The following ARK2N variants were observed in gnomAD, a reference collection of about 807,000 sequenced individuals.
ARK2N encodes protein ARK2N.
chr18:46,214,718 T>C, the ARK2N span, among the ~76,000 whole-genome samples: 1 of 152,200 alleles, frequency 6.6e-6, no homozygotes, highest in African/African-American at 2.4e-5. Context: ...AAGTGTACAA[T>C]GGGTGTAGAG....
At chr18:46,248,712 G>A in the ARK2N span, among the ~76,000 whole-genome samples, 1 of 152,192 alleles carries the variant, frequency 6.6e-6, no homozygotes, top group African/African-American at 2.4e-5. Flanking sequence ...AGCATCCGGA[G>A]TAGCAGGGAC....
At chr18:46,209,833 A>G in the ARK2N span, among the ~76,000 whole-genome samples, 2 of 152,108 alleles carry the variant, frequency 1.3e-5, no homozygotes, top group South Asian at 4.2e-4. Context: ...TGACCTCGTG[A>G]TCCGCCTGCC....
chr18:46,183,345 T>C, the ARK2N span, among the ~76,000 whole-genome samples: 1 of 152,190 alleles, frequency 6.6e-6, no homozygotes, highest in African/African-American at 2.4e-5. Flanking sequence ...TTCTAGTTAA[T>C]TGGTATTAGA....
At chr18:46,187,240 T>A in the ARK2N span, among the ~76,000 whole-genome samples, 1 of 148,560 alleles carries the variant, frequency 6.7e-6, no homozygotes, top group Non-Finnish European at 1.5e-5. Flanking sequence ...TAAGATCGCG[T>A]CATTGCACTC....
the ARK2N span, among the ~76,000 whole-genome samples, chr18:46,257,281 TG>T: frequency 9.8e-5 from 15 of 152,312 alleles, no homozygotes; most frequent in Non-Finnish European, 1.5e-5. Flanking sequence ...GCATTTTGTT[TG>T]GCCTTTGCAC....
the ARK2N span, among the ~76,000 whole-genome samples, chr18:46,196,223 A>G: frequency 6.6e-6 from 1 of 150,910 alleles, no homozygotes; most frequent in Admixed American, 6.6e-5. Context: ...CAGGTGATCC[A>G]CCCGCCTCGG....
At chr18:46,177,215 A>C in the ARK2N span, among the ~76,000 whole-genome samples, 1 of 152,118 alleles carries the variant, frequency 6.6e-6, no homozygotes, top group South Asian at 2.1e-4. Context: ...TGAGACTATA[A>C]AAGGGGAGAG....
At chr18:46,223,911 A>G in the ARK2N span, among the ~76,000 whole-genome samples, 1 of 152,226 alleles carries the variant, frequency 6.6e-6, no homozygotes, top group East Asian at 1.9e-4. Context: ...TAGAAAAGCT[A>G]TTTTAGTCAA....
At chr18:46,248,243 C>G in the ARK2N span, among the ~76,000 whole-genome samples, 1 of 152,180 alleles carries the variant, frequency 6.6e-6, no homozygotes, top group Non-Finnish European at 1.5e-5. Context: ...GAGCAGCTTC[C>G]TCTTCAGAAG....
the ARK2N span, among the ~76,000 whole-genome samples, chr18:46,242,669 T>C: frequency 6.6e-6 from 1 of 152,242 alleles, no homozygotes; most frequent in Non-Finnish European, 1.5e-5. Flanking sequence ...ATTTGTTATA[T>C]ATCTAAATAA....
At chr18:46,188,941 G>A in the ARK2N span, among the ~76,000 whole-genome samples, 2 of 152,110 alleles carry the variant, frequency 1.3e-5, no homozygotes, top group South Asian at 2.1e-4. Flanking sequence ...GACCGGGTGC[G>A]GGGTGGCTCA....
the ARK2N span, among the ~76,000 whole-genome samples, chr18:46,194,482 G>GT: frequency 1.3e-4 from 19 of 145,800 alleles, no homozygotes; most frequent in South Asian, 2.2e-4. Context: ...TTTTTTGTTT[G>GT]TTTTTTTTGA....
chr18:46,234,759 C>G, the ARK2N span, among the ~76,000 whole-genome samples: 1 of 152,120 alleles, frequency 6.6e-6, no homozygotes, highest in Non-Finnish European at 1.5e-5. Flanking sequence ...CCTTCTTTCT[C>G]TTGGTGTTGT....
chr18:46,224,593 AGGT>A, the ARK2N span, among the ~76,000 whole-genome samples: 5 of 152,154 alleles, frequency 3.3e-5, no homozygotes, highest in African/African-American at 1.2e-4. Flanking sequence ...GAGCCACCCT[AGGT>A]TTTGGTATTT....
chr18:46,262,953 G>A, the ARK2N span: 1 of 1,614,148 alleles, frequency 6.2e-7, no homozygotes, highest in Non-Finnish European at 8.5e-7. Context: ...GAGGTGGTGT[G>A]ATTCAGAGTG....
At chr18:46,185,714 T>C in the ARK2N span, among the ~76,000 whole-genome samples, 1 of 152,302 alleles carries the variant, frequency 6.6e-6, no homozygotes, top group Non-Finnish European at 1.5e-5. Context: ...AGGCCGGGCG[T>C]GGTGGCTCAT....
chr18:46,222,726 G>A, the ARK2N span, among the ~76,000 whole-genome samples: 1 of 152,140 alleles, frequency 6.6e-6, no homozygotes, highest in Non-Finnish European at 1.5e-5. Context: ...TGCTTCTAGA[G>A]CAGTTTTAAG....
At chr18:46,228,865 C>G in the ARK2N span, 1 of 398,290 alleles carries the variant, frequency 2.5e-6, no homozygotes, top group African/African-American at 2.1e-5. Context: ...CGCACCTGGC[C>G]TAAAACATAG....
At chr18:46,186,630 G>A in the ARK2N span, among the ~76,000 whole-genome samples, 2 of 149,222 alleles carry the variant, frequency 1.3e-5, no homozygotes, top group Non-Finnish European at 3.0e-5. Context: ...TTAGCCTCTC[G>A]AGTAGCTGAG....
Sources: allele counts gnomAD v4.1 joint callset (sites outside exome capture counted in the v4.1 genomes callset), GRCh38; gene constraint gnomAD v4.1.1; transcripts MANE v1.5; gene names NCBI Gene and HGNC (gene_info 2026-07-23, HGNC 2026-07-21).